Variants in WDPCP observed in about 807,000 individuals in gnomAD.
The protein encoded by WDPCP is WD repeat-containing and planar cell polarity effector protein fritz homolog.
WDPCP carries 71 observed loss-of-function variants against 93.1 expected under a neutral mutation model. The ratio of observed to expected loss-of-function variants is 0.76; its 90% CI spans 0.63 to 0.93. The LOEUF is 0.93. Ranked by LOEUF, WDPCP falls within the 40% of genes least tolerant of loss-of-function variation. The pLI, the probability that WDPCP is intolerant of heterozygous loss-of-function variation, is 0.00. For missense variants in WDPCP, 844 were observed against 887.4 expected (o/e 0.95, Z 0.62); for synonymous variants, 315 against 315.0 (o/e 1.00, Z 0.00).
At position 63,120,237 on chromosome 2, in the gene WDPCP, A is replaced by C. The variant is rs1016039297; in HGVS notation, c.*1769T>G. ...TAACTTTTGATTATCTGTGTGATAA[A>C]GAAGGTTGGGAATAGGAGAATGAAA... On this transcript the variant is annotated 3_prime_UTR_variant, in exon 18 of 18. Coordinates refer to ENST00000272321, the MANE Select transcript of WDPCP (RefSeq NM_015910.7). 6.6e-6 allele frequency among the ~76,000 whole-genome samples: 1 copy of C among 152,170 alleles called. No homozygotes were observed. Among genetic ancestry groups the C allele is most frequent in the Non-Finnish European group, 1.5e-5 (1 of 68,030 alleles).
chr2:63,499,613 G>C (rs1460971254), intron 1 of WDPCP, among the ~76,000 whole-genome samples: 1 of 152,176 alleles, frequency 6.6e-6, no homozygotes, highest in Non-Finnish European at 1.5e-5. Context: ...AATTGGGGTG[G>C]TGGCAGCTGG....
intron 3 of WDPCP, among the ~76,000 whole-genome samples, chr2:63,600,316 A>T (rs1709394605): frequency 6.6e-6 from 1 of 152,192 alleles, no homozygotes; most frequent in Non-Finnish European, 1.5e-5. Context: ...ATCTCATATT[A>T]TCCCTGCATT....
At chr2:63,428,340 A>C (rs1042780617) in intron 9 of WDPCP, among the ~76,000 whole-genome samples, 18 of 152,182 alleles carry the variant, frequency 1.2e-4, no homozygotes, top group African/African-American at 4.3e-4. Flanking sequence ...TCCTCAACAA[A>C]ACACTAGAAA....
Position 63,588,371 on chromosome 2 carries a change from C to A in WDPCP, c.-100G>T. On this transcript the variant is annotated 5_prime_UTR_variant, in exon 1 of 18. Transcript: ENST00000272321. ...GTCTCTTGGGTCTCCAGGACGCCGC[C>A]GCCGCCGCCACAGTTTCCTCAGGTG... The A allele has an allele frequency of 7.3e-7, 1 of 1,374,560 alleles. No individual in the cohort carries two copies. The highest frequency in any genetic ancestry group is 2.5e-5 in the East Asian group (1 of 40,120). The allele number at this position is 1,374,560 out of a possible 1,614,324, so 85.1% of individuals were successfully genotyped here.
chr2:63,393,554 G>GA (rs907002356), intron 10 of WDPCP, among the ~76,000 whole-genome samples: 109 of 150,570 alleles, frequency 7.2e-4, no homozygotes, highest in Non-Finnish European at 1.2e-3. Flanking sequence ...TAAAAAAGGG[G>GA]AAAAAAAAGA....
intron 2 of WDPCP, among the ~76,000 whole-genome samples, chr2:63,791,448 T>A (rs571141719): frequency 1.3e-5 from 2 of 152,290 alleles, no homozygotes; most frequent in Non-Finnish European, 2.9e-5. Context: ...CTGGATCTTG[T>A]CTCCTAAAAG....
intron 9 of WDPCP, among the ~76,000 whole-genome samples, chr2:63,409,238 C>A (rs554445149): frequency 5.3e-5 from 8 of 152,320 alleles, no homozygotes; most frequent in Admixed American, 1.3e-4. Context: ...GTGCAGACAA[C>A]CCCCAGTACC....
chr2:63,535,876 C>G (rs1042190341), intron 1 of WDPCP, among the ~76,000 whole-genome samples: 2 of 152,108 alleles, frequency 1.3e-5, no homozygotes, highest in Non-Finnish European at 2.9e-5. Flanking sequence ...TCTAATTAAA[C>G]TAAAGAGCTT....
intron 12 of WDPCP, among the ~76,000 whole-genome samples, chr2:63,327,478 T>C (rs79827885): frequency 6.6e-6 from 1 of 152,188 alleles, no homozygotes; most frequent in African/African-American, 2.4e-5. Flanking sequence ...TAACTAAATC[T>C]ATCCTTACTC....
chr2:63,498,413 C>A (rs560027513), intron 1 of WDPCP, among the ~76,000 whole-genome samples: 1 of 152,098 alleles, frequency 6.6e-6, no homozygotes, highest in African/African-American at 2.4e-5. Context: ...TTCTAGAAAG[C>A]CCCTTTTCAC....
chr2:63,429,109 G>A (rs1696531990), intron 9 of WDPCP, among the ~76,000 whole-genome samples: 1 of 152,104 alleles, frequency 6.6e-6, no homozygotes, highest in Non-Finnish European at 1.5e-5. Context: ...TAGGATAGCT[G>A]GCTATTCATG....
At chr2:63,598,020 C>A (rs1709351030) in intron 3 of WDPCP, 1 of 152,340 alleles carries the variant, frequency 6.6e-6, no homozygotes, top group South Asian at 2.1e-4. Flanking sequence ...ATGCTTGTCT[C>A]TTGAAGAATT....
rs537478567 is a variant in WDPCP, at chr2:63,311,778, G to A, written c.1812+1470C>T. The stretch of plus-strand genomic sequence containing the variant: ...GAGAAAAGTTTAGAAGGTGCCTTTC[G>A]TGATGTTTCTATTAATTATTACAAC... On this transcript the variant is annotated intron_variant, in intron 13 of 17. Transcript: ENST00000272321. 6.6e-5 allele frequency among the ~76,000 whole-genome samples: 10 copies of A among 152,232 alleles called. No homozygotes were observed. In the East Asian group the frequency reaches 7.7e-4, roughly 12 times the overall value.
chr2:63,594,907 C>G (rs1313924988), intron 3 of WDPCP: 2 of 272,240 alleles, frequency 7.3e-6, no homozygotes, highest in African/African-American at 4.5e-5. Flanking sequence ...GTAAGCACTC[C>G]CTTGTTCATA....
At chr2:63,231,051 G>A (rs558616958) in intron 14 of WDPCP, among the ~76,000 whole-genome samples, 6 of 152,258 alleles carry the variant, frequency 3.9e-5, no homozygotes, top group African/African-American at 1.2e-4. Flanking sequence ...TATCCACCAC[G>A]ATCAAGTGGG....
chr2:63,758,628 T>C (rs1438850453), intron 2 of WDPCP, among the ~76,000 whole-genome samples: 2 of 152,006 alleles, frequency 1.3e-5, no homozygotes, highest in African/African-American at 4.8e-5. Context: ...TTTGTAGAGA[T>C]AGGCTTTCAC....
chr2:63,725,777 T>G (rs748209190), intron 2 of WDPCP, among the ~76,000 whole-genome samples: 1 of 152,222 alleles, frequency 6.6e-6, no homozygotes, highest in Admixed American at 6.5e-5. Flanking sequence ...GTGGTTTTGA[T>G]TTAAATTTCT....
intron 3 of WDPCP, chr2:63,594,370 A>T (rs1575720716): frequency 1.2e-6 from 1 of 829,226 alleles, no homozygotes; most frequent in Non-Finnish European, 2.1e-6. Flanking sequence ...ATGCAAAAGG[A>T]CTTTAAAATT....
chr2:63,231,235 C>G (rs746276912), intron 14 of WDPCP, among the ~76,000 whole-genome samples: 1 of 152,142 alleles, frequency 6.6e-6, no homozygotes, highest in African/African-American at 2.4e-5. Context: ...ACCGAATGGG[C>G]AAACACTGGA....
Sources: gnomAD v4.1 joint callset for allele counts (sites outside exome capture counted in the v4.1 genomes callset) on GRCh38, gnomAD v4.1.1 for gene constraint, MANE v1.5 for transcripts, NCBI Gene and HGNC (gene_info 2026-07-23, HGNC 2026-07-21) for gene names.